RALYL: variants seen among roughly 807,000 people sequenced by gnomAD.
The protein encoded by RALYL is RNA-binding Raly-like protein.
A neutral mutation model predicts 35.1 loss-of-function variants in RALYL; 29 were observed. The ratio of observed to expected loss-of-function variants is 0.83; its 90% CI spans 0.61 to 1.13. The LOEUF is 1.13. Among genes scored for constraint, RALYL ranks in the 50% most tolerant of loss-of-function variants. RALYL has a pLI of 0.00. For synonymous variants in RALYL, 120 were observed against 127.6 expected (o/e 0.94, Z 0.40); for missense variants, 359 against 360.4 (o/e 1.00, Z 0.03).
chr8:84,439,833 A>G (rs2048145010), intron 1 of RALYL, among the ~76,000 whole-genome samples: 1 of 152,128 alleles, frequency 6.6e-6, no homozygotes, highest in Admixed American at 6.6e-5. Context: ...AGATTTCTTT[A>G]TAATTAAAAA....
At chr8:84,792,121 A>G (rs1055878724) in intron 3 of RALYL, among the ~76,000 whole-genome samples, 2 of 152,270 alleles carry the variant, frequency 1.3e-5, no homozygotes, top group Non-Finnish European at 2.9e-5. Flanking sequence ...GCACTCCTTT[A>G]GCCTTGCCAT....
chr8:84,394,772 T>G (rs1039093333), intron 1 of RALYL, among the ~76,000 whole-genome samples: 1 of 151,974 alleles, frequency 6.6e-6, no homozygotes, highest in Non-Finnish European at 1.5e-5. Flanking sequence ...CACCATTATA[T>G]GCAAAGGTTT....
intron 2 of RALYL, among the ~76,000 whole-genome samples, chr8:84,751,504 G>A (rs550351861): frequency 7.0e-4 from 107 of 152,124 alleles, no homozygotes; most frequent in Non-Finnish European, 1.4e-3. Flanking sequence ...CACCACGCCT[G>A]GCCTGGTTTA....
At chr8:84,317,046 C>G (rs1313342786) in intron 1 of RALYL, among the ~76,000 whole-genome samples, 1 of 152,172 alleles carries the variant, frequency 6.6e-6, no homozygotes, top group Non-Finnish European at 1.5e-5. Flanking sequence ...AAAATACCCA[C>G]TTCTTACTCA....
At chr8:84,248,760 CATATTT>C (rs1443599870) in intron 1 of RALYL, among the ~76,000 whole-genome samples, 1 of 152,012 alleles carries the variant, frequency 6.6e-6, no homozygotes, top group Non-Finnish European at 1.5e-5. Flanking sequence ...ATATTTAACT[CATATTT>C]ATATGCTTCC....
intron 1 of RALYL, among the ~76,000 whole-genome samples, chr8:84,460,464 A>G (rs1335196456): frequency 6.6e-6 from 1 of 151,774 alleles, no homozygotes; most frequent in Non-Finnish European, 1.5e-5. Flanking sequence ...CATCCATAAA[A>G]ATGGCATTAT....
At chr8:84,320,216 C>A (rs541324859) in intron 1 of RALYL, among the ~76,000 whole-genome samples, 94 of 152,014 alleles carry the variant, frequency 6.2e-4, no homozygotes, top group African/African-American at 2.2e-3. Context: ...TAATAACAAC[C>A]ATTGTTCTGT....
intron 1 of RALYL, among the ~76,000 whole-genome samples, chr8:84,336,598 T>C (rs117724925): frequency 0.025 from 3,758 of 152,248 alleles, 96 homozygotes; most frequent in Non-Finnish European, 0.031. Context: ...TATCCCTTTA[T>C]AGTGGTTGGG....
At chr8:84,387,538 A>G (rs1859502553) in intron 1 of RALYL, among the ~76,000 whole-genome samples, 1 of 151,812 alleles carries the variant, frequency 6.6e-6, no homozygotes. Flanking sequence ...TGCATTGCAG[A>G]GTTTGTTGAC....
chr8:84,207,379 T>A (rs1818302795), intron 1 of RALYL, among the ~76,000 whole-genome samples: 1 of 152,050 alleles, frequency 6.6e-6, no homozygotes, highest in Non-Finnish European at 1.5e-5. Context: ...GAAATATTAT[T>A]CAGCCTTAGA....
intron 2 of RALYL, among the ~76,000 whole-genome samples, chr8:84,739,334 A>G (rs1847868846): frequency 6.6e-6 from 1 of 151,810 alleles, no homozygotes; most frequent in Non-Finnish European, 1.5e-5. Context: ...TTAGCCAATT[A>G]AAGAGCTTAT....
At chr8:84,218,488 A>G (rs1301747964) in intron 1 of RALYL, among the ~76,000 whole-genome samples, 1 of 152,102 alleles carries the variant, frequency 6.6e-6, no homozygotes, top group Non-Finnish European at 1.5e-5. Context: ...TGTGATAAAT[A>G]TGTCCTTAAA....
At chr8:84,690,235 G>A (rs1837749504) in intron 2 of RALYL, among the ~76,000 whole-genome samples, 1 of 152,108 alleles carries the variant, frequency 6.6e-6, no homozygotes, top group Non-Finnish European at 1.5e-5. Flanking sequence ...ATAACCACAT[G>A]GATGTATTTA....
intron 1 of RALYL, among the ~76,000 whole-genome samples, chr8:84,314,393 AAAGAT>A (rs1366091111): frequency 6.6e-6 from 1 of 152,122 alleles, no homozygotes; most frequent in Non-Finnish European, 1.5e-5. Context: ...AAAGAAGAGA[AAAGAT>A]AAGAAATGGA....
At chr8:84,775,673 G>T (rs549141004) in intron 3 of RALYL, among the ~76,000 whole-genome samples, 1 of 152,238 alleles carries the variant, frequency 6.6e-6, no homozygotes, top group South Asian at 2.1e-4. Flanking sequence ...ATATCTATGC[G>T]GAGAATCCAG....
At chr8:84,826,543 T>A (rs1829747771) in intron 4 of RALYL, among the ~76,000 whole-genome samples, 1 of 152,118 alleles carries the variant, frequency 6.6e-6, no homozygotes, top group Non-Finnish European at 1.5e-5. Flanking sequence ...TTTTTAATAT[T>A]AGGCCAGTAT....
Position 84,772,158 on chromosome 8 carries a change from T to C in RALYL, c.257-2421T>C, listed in dbSNP as rs969723808. ...GGCTCCATGTGTTTATATATGTCAA[T>C]TGTATGCATGTACAGTTTTGTCATA... On this transcript the variant is annotated intron_variant, in intron 2 of 8. Transcript: ENST00000521268. 3.3e-5 allele frequency among the ~76,000 whole-genome samples: 5 copies of C among 152,132 alleles called. No individual in the cohort carries two copies. The East Asian group carries it at 9.6e-4, about 29-fold the overall frequency.
intron 2 of RALYL, among the ~76,000 whole-genome samples, chr8:84,757,812 A>T (rs1811784344): frequency 6.6e-6 from 1 of 152,154 alleles, no homozygotes; most frequent in Admixed American, 6.6e-5. Flanking sequence ...TTCTTTAATG[A>T]ATGTATATGG....
rs1817450604 is a variant in RALYL at position 84,778,827 on chromosome 8, G to C, written c.332+4173G>C. 2.0e-5 allele frequency among the ~76,000 whole-genome samples: 3 copies of C among 152,118 alleles called. 1 individual carries two copies. The South Asian group carries it at 6.2e-4, about 32-fold the overall frequency. ...AGAGAGAGTCACAAATATGTCCAGGGTTTTCTAGTTCAGGCTACTGAGGGA... is the reference window on the plus strand; with the variant it reads ...AGAGAGAGTCACAAATATGTCCAGGCTTTTCTAGTTCAGGCTACTGAGGGA... On this transcript the variant is annotated intron_variant, in intron 3 of 8. Transcript: ENST00000521268.
Sources: gnomAD v4.1 joint callset for allele counts (sites outside exome capture counted in the v4.1 genomes callset) on GRCh38, gnomAD v4.1.1 for gene constraint, MANE v1.5 for transcripts, NCBI Gene and HGNC (gene_info 2026-07-23, HGNC 2026-07-21) for gene names.